The following PLN variants were observed in gnomAD, a reference collection of about 807,000 sequenced individuals.
PLN encodes phospholamban.
In PLN, 1 loss-of-function variant was observed where a neutral mutation model predicts 3.9. The observed-to-expected ratio is 0.26, with a 90% CI of 0.09 to 1.23. The LOEUF is 1.23. Among genes scored for constraint, PLN ranks in the 50% most tolerant of loss-of-function variants. The pLI is 0.48. For synonymous variants in PLN, 21 were observed against 20.5 expected (o/e 1.02, Z -0.07); for missense variants, 59 against 62.7 (o/e 0.94, Z 0.20).
At position 118,558,994 on chromosome 6, in the gene PLN, C is replaced by G. The variant is rs761056344; in HGVS notation, c.73C>G (p.Arg25Gly). ...ASTIEMPQQA[R>G]QKLQNLFINF... ...AACCATTGAAATGCCTCAACAAGCA[C>G]GTCAAAAGCTACAGAATCTATTTAT... The change falls in exon 2 of 2, where the codon CGT becomes GGT. Residue 25 changes from arginine (R) to glycine (G), a missense_variant. Arg to Gly is a moderately radical substitution (Grantham distance 125). Transcript: ENST00000357525. 1.2e-6 allele frequency: 2 copies of G among 1,610,026 alleles called. No homozygotes were observed. The highest frequency in any genetic ancestry group is 1.7e-6 in the Non-Finnish European group (2 of 1,176,226).
At chr6:118,558,660 CAGAGAGAGAGAGAG>C (rs369698272) in intron 1 of PLN, among the ~76,000 whole-genome samples, 151 bp from the exon 2 acceptor site, 2 of 122,308 alleles carry the variant, frequency 1.6e-5, no homozygotes, top group Non-Finnish European at 3.4e-5. Context: ...CACACACACA[CAGAGAGAGAGAGAG>C]AGAGAGAGAG....
intron 1 of PLN, among the ~76,000 whole-genome samples, chr6:118,552,816 C>T (rs1778629339): frequency 6.6e-6 from 1 of 152,068 alleles, no homozygotes; most frequent in Admixed American, 6.6e-5. Context: ...ATAAGATACT[C>T]TGTGGATACT....
rs1031699859 is a variant in PLN, at chr6:118,552,271, C to T, written c.-98+3879C>T. Among the ~76,000 whole-genome samples, 4 of 152,106 alleles carry T rather than the reference C, an allele frequency of 2.6e-5. No homozygotes were observed. The East Asian group carries it at 7.7e-4, about 29-fold the overall frequency. On this transcript the variant is annotated intron_variant, in intron 1 of 1. Coordinates refer to ENST00000357525, the MANE Select transcript of PLN (RefSeq NM_002667.5). ...AAAGAATCCCAGGAATTTATTATTT[C>T]AGCAAAAGGAATACCACCAAAAATA... is the stretch of plus-strand genomic sequence containing the variant.
chr6:118,558,707 CATG>C, intron 1 of PLN, 115 bp from the exon 2 acceptor site: 2 of 530,482 alleles, frequency 3.8e-6, no homozygotes, highest in Non-Finnish European at 6.8e-6. Context: ...ACTATAGAAA[CATG>C]ATGTTATAAA....
intron 1 of PLN, among the ~76,000 whole-genome samples, chr6:118,557,955 T>C (rs938114018): frequency 1.3e-5 from 2 of 151,490 alleles, no homozygotes; most frequent in African/African-American, 4.9e-5. Flanking sequence ...TGGGTAATTA[T>C]CTTTGTTGGC....
chr6:118,555,255 C>T (rs529444735), intron 1 of PLN, among the ~76,000 whole-genome samples: 1 of 151,932 alleles, frequency 6.6e-6, no homozygotes, highest in Non-Finnish European at 1.5e-5. Context: ...CATGGTGAAA[C>T]CCCGTCTCTA....
intron 1 of PLN, 147 bp from the exon 2 acceptor site, chr6:118,558,678 G>C (rs1583046498): frequency 3.8e-6 from 2 of 529,118 alleles, no homozygotes; most frequent in Non-Finnish European, 6.8e-6. Flanking sequence ...GAGAGAGAGA[G>C]AGAGAGAGAG....
intron 1 of PLN, among the ~76,000 whole-genome samples, chr6:118,557,611 G>A (rs1025671346): frequency 2.0e-5 from 3 of 152,184 alleles, no homozygotes; most frequent in Admixed American, 6.5e-5. Context: ...CTGTGATGGA[G>A]TGGCCTCCTA....
intron 1 of PLN, among the ~76,000 whole-genome samples, chr6:118,550,136 GTACTTGCTT>G (rs1414518659): frequency 4.0e-5 from 6 of 151,870 alleles, no homozygotes; most frequent in Non-Finnish European, 7.4e-5. Flanking sequence ...AAGAGCCAGA[GTACTTGCTT>G]TACTAAAAGG....
At chr6:118,550,192 A>G (rs1778460126) in intron 1 of PLN, among the ~76,000 whole-genome samples, 1 of 151,930 alleles carries the variant, frequency 6.6e-6, no homozygotes, top group Non-Finnish European at 1.5e-5. Flanking sequence ...CTCAAATATC[A>G]AATCCATTTT....
Position 118,561,509 on chromosome 6 carries a change from A to G in PLN, c.*2429A>G, listed in dbSNP as rs1305136578. ...CATCATAAAGTGTAAAGAATAAGAT[A>G]TAAGAAAACAATTTATTTTTAAAAT... On this transcript the variant is annotated 3_prime_UTR_variant, in exon 2 of 2. Coordinates refer to ENST00000357525, the MANE Select transcript of PLN (RefSeq NM_002667.5). Among the ~76,000 whole-genome samples, 2 of 152,154 alleles carry G rather than the reference A, an allele frequency of 1.3e-5. No homozygotes were observed. Among genetic ancestry groups the G allele is most frequent in the Non-Finnish European group, 2.9e-5 (2 of 68,000 alleles).
At chr6:118,550,404 A>G (rs1347057878) in intron 1 of PLN, among the ~76,000 whole-genome samples, 2 of 151,882 alleles carry the variant, frequency 1.3e-5, no homozygotes, top group African/African-American at 4.8e-5. Flanking sequence ...TAAAAAACCT[A>G]AAGTCTAGTT....
chr6:118,558,939 C>T lies in PLN; in HGVS notation c.18C>T (p.Tyr6=), dbSNP rs1181173210. The T allele has an allele frequency of 2.5e-6, 4 of 1,613,692 alleles. No homozygotes were observed. The highest frequency in any genetic ancestry group is 1.7e-5 in the Admixed American group (1 of 60,000). ...CTGGTATCATGGAGAAAGTCCAATA[C>T]CTCACTCGCTCAGCTATAAGAAGAG... The part of the protein sequence containing the change: MEKVQ[Y]LTRSAIRRAS... The change falls in exon 2 of 2, where the codon TAC becomes TAT. Residue 6 remains tyrosine (Y), a synonymous_variant. Coordinates refer to ENST00000357525, the MANE Select transcript of PLN (RefSeq NM_002667.5).
At chr6:118,556,425 T>C (rs541277842) in intron 1 of PLN, among the ~76,000 whole-genome samples, 12 of 152,338 alleles carry the variant, frequency 7.9e-5, no homozygotes, top group Middle Eastern at 3.4e-3. Context: ...CAGTCTACTA[T>C]ATAATTCAGA....
intron 1 of PLN, among the ~76,000 whole-genome samples, chr6:118,550,917 G>A (rs12211576): frequency 0.46 from 70,375 of 151,360 alleles, 16,854 homozygotes; most frequent in Middle Eastern, 0.57. Context: ...AGAAATATAC[G>A]AAAATTACAG....
intron 1 of PLN, among the ~76,000 whole-genome samples, chr6:118,553,413 T>C (rs1325107890): frequency 2.6e-5 from 4 of 152,146 alleles, no homozygotes; most frequent in African/African-American, 7.2e-5. Context: ...ATGGATAAAA[T>C]CTGGCCTAAT....
Position 118,560,087 on chromosome 6 carries a change from T to A in PLN, c.*1007T>A, listed in dbSNP as rs528466147. On this transcript the variant is annotated 3_prime_UTR_variant, in exon 2 of 2. Coordinates refer to ENST00000357525, the MANE Select transcript of PLN (RefSeq NM_002667.5). ...AAAATATATTATCTCAAGTATTTTT[T>A]AAAAATATATGAATTCTCTCTCCAA... The A allele has an allele frequency of 1.3e-4, 22 of 167,158 alleles. No individual in the cohort carries two copies. The highest frequency in any genetic ancestry group is 4.1e-4 in the South Asian group (2 of 4,824). 10.4% of individuals were successfully genotyped at this position (167,158 alleles called of 1,614,324 possible). A position where few individuals can be genotyped will look rare whatever the true frequency, so the allele number is the denominator to read the frequency against.
intron 1 of PLN, among the ~76,000 whole-genome samples, chr6:118,558,543 C>T (rs1326596119): frequency 2.0e-5 from 3 of 151,494 alleles, no homozygotes; most frequent in East Asian, 1.9e-4. Context: ...AAAGTTACTA[C>T]TCCTAACACA....
chr6:118,551,656 T>C (rs551932198), intron 1 of PLN, among the ~76,000 whole-genome samples: 3 of 152,154 alleles, frequency 2.0e-5, no homozygotes, highest in East Asian at 3.9e-4. Flanking sequence ...GACAGAGCTT[T>C]AACATGAGAA....
Sources: gnomAD v4.1 joint callset for allele counts (sites outside exome capture counted in the v4.1 genomes callset) on GRCh38, gnomAD v4.1.1 for gene constraint, MANE v1.5 for transcripts, NCBI Gene and HGNC (gene_info 2026-07-23, HGNC 2026-07-21) for gene names.